NRG1: variants seen among roughly 807,000 people sequenced by gnomAD.
NRG1 encodes neuregulin 1, also known as pro-neuregulin-1, membrane-bound isoform.
NRG1 carries 18 observed loss-of-function variants against 63.8 expected under a neutral mutation model. That is an observed-to-expected ratio of 0.28 (90% CI 0.19 to 0.42). The LOEUF (loss-of-function observed/expected upper bound fraction) is 0.42. NRG1 is among the 10% of genes least tolerant of loss of function. The pLI, the probability that NRG1 is intolerant of heterozygous loss-of-function variation, is 1.00. For synonymous variants in NRG1, 302 were observed against 301.3 expected (o/e 1.00, Z -0.02); for missense variants, 762 against 814.7 (o/e 0.94, Z 0.79).
chr8:31,773,765 A>C (rs1818854576), intron 1 of NRG1, among the ~76,000 whole-genome samples: 1 of 147,530 alleles, frequency 6.8e-6, no homozygotes, highest in Admixed American at 6.9e-5. Context: ...TTTACATTCG[A>C]ATATCCTTCA....
At chr8:32,250,468 A>C (rs1848986682) in intron 1 of NRG1, among the ~76,000 whole-genome samples, 1 of 152,156 alleles carries the variant, frequency 6.6e-6, no homozygotes, top group Admixed American at 6.6e-5. Flanking sequence ...AACTGCAACA[A>C]TAGTTTAATG....
intron 1 of NRG1, among the ~76,000 whole-genome samples, chr8:31,752,804 T>G (rs923171239): frequency 4.6e-5 from 7 of 151,944 alleles, no homozygotes; most frequent in African/African-American, 1.5e-4. Flanking sequence ...AAATGGTAAT[T>G]TTTGTTTATA....
chr8:32,049,695 A>G (rs1222736212), intron 1 of NRG1, among the ~76,000 whole-genome samples: 1 of 152,160 alleles, frequency 6.6e-6, no homozygotes, highest in Non-Finnish European at 1.5e-5. Context: ...CATCAGAGGA[A>G]ACAAATTTAA....
At chr8:32,262,641 A>C (rs1850507961) in intron 1 of NRG1, among the ~76,000 whole-genome samples, 1 of 152,202 alleles carries the variant, frequency 6.6e-6, no homozygotes, top group Admixed American at 6.5e-5. Context: ...TACAAAGTTT[A>C]TTACCTTAAG....
chr8:31,806,128 T>G (rs1822261846), intron 1 of NRG1, among the ~76,000 whole-genome samples: 2 of 152,164 alleles, frequency 1.3e-5, no homozygotes, highest in Admixed American at 6.5e-5. Context: ...TTATATTCAT[T>G]AAATTGCCAA....
intron 1 of NRG1, among the ~76,000 whole-genome samples, chr8:31,651,099 A>G: frequency 6.6e-6 from 1 of 152,190 alleles, no homozygotes; most frequent in East Asian, 1.9e-4. Context: ...CATGTGGGAA[A>G]ACAACTGTGA....
chr8:32,444,875 A>T (rs1587693515), intron 1 of NRG1, among the ~76,000 whole-genome samples: 1 of 152,214 alleles, frequency 6.6e-6, no homozygotes, highest in Non-Finnish European at 1.5e-5. Flanking sequence ...ATGGGACTGA[A>T]TCAGTTCAAA....
At chr8:31,905,099 ATCTAT>A (rs1228857638) in intron 1 of NRG1, among the ~76,000 whole-genome samples, 2 of 152,102 alleles carry the variant, frequency 1.3e-5, no homozygotes, top group African/African-American at 4.8e-5. Context: ...GAAGAAGCTG[ATCTAT>A]GGAGAAGACC....
chr8:31,766,128 A>G (rs916091690), intron 1 of NRG1, among the ~76,000 whole-genome samples: 5 of 152,152 alleles, frequency 3.3e-5, no homozygotes, highest in African/African-American at 1.2e-4. Context: ...ACAAGTGTAC[A>G]TCTAGTTCCA....
intron 1 of NRG1, among the ~76,000 whole-genome samples, chr8:31,646,440 T>C (rs1022357682): frequency 3.3e-5 from 5 of 152,186 alleles, no homozygotes; most frequent in Non-Finnish European, 5.9e-5. Flanking sequence ...TGGGTATACC[T>C]AAGAGCCCAG....
At chr8:31,952,159 A>C (rs918684172) in intron 1 of NRG1, among the ~76,000 whole-genome samples, 11 of 152,320 alleles carry the variant, frequency 7.2e-5, no homozygotes, top group Non-Finnish European at 1.5e-4. Context: ...CTGGCTTGAA[A>C]TGATTTGGCA....
chr8:31,934,999 T>G (rs900038639), intron 1 of NRG1, among the ~76,000 whole-genome samples: 6 of 152,208 alleles, frequency 3.9e-5, no homozygotes, highest in African/African-American at 1.4e-4. Flanking sequence ...CCACCCAGGC[T>G]GGAGTGCAGT....
At chr8:31,791,245 A>T (rs1820680718) in intron 1 of NRG1, among the ~76,000 whole-genome samples, 1 of 151,570 alleles carries the variant, frequency 6.6e-6, no homozygotes, top group South Asian at 2.1e-4. Context: ...AGAGATAGTG[A>T]GATAGTAAAT....
At chr8:31,953,742 A>G (rs962665144) in intron 1 of NRG1, among the ~76,000 whole-genome samples, 2 of 152,168 alleles carry the variant, frequency 1.3e-5, no homozygotes, top group East Asian at 1.9e-4. Flanking sequence ...TCATTTCAAC[A>G]TATATTGAGC....
intron 1 of NRG1, among the ~76,000 whole-genome samples, chr8:31,655,440 G>T (rs1427720231): frequency 6.6e-6 from 1 of 152,204 alleles, no homozygotes; most frequent in Non-Finnish European, 1.5e-5. Flanking sequence ...TTCTGTTAGG[G>T]TAGGGAGGAG....
chr8:32,020,583 T>C (rs1326716295), intron 1 of NRG1, among the ~76,000 whole-genome samples: 1 of 152,200 alleles, frequency 6.6e-6, no homozygotes, highest in African/African-American at 2.4e-5. Flanking sequence ...GGTATCATGT[T>C]ATTAATTCTC....
At chr8:31,641,990 C>A (rs1452440102) in intron 1 of NRG1, among the ~76,000 whole-genome samples, 2 of 152,238 alleles carry the variant, frequency 1.3e-5, no homozygotes, top group Middle Eastern at 3.4e-3. Context: ...GATCATTGTT[C>A]ACCCACCATT....
intron 1 of NRG1, among the ~76,000 whole-genome samples, chr8:31,737,798 CAAG>C (rs1456208276): frequency 6.6e-6 from 1 of 152,066 alleles, no homozygotes; most frequent in Non-Finnish European, 1.5e-5. Context: ...TAAGATTTGA[CAAG>C]AAAGCGTTCC....
intron 1 of NRG1, among the ~76,000 whole-genome samples, chr8:32,083,121 C>G (rs1445603097): frequency 6.6e-6 from 1 of 152,138 alleles, no homozygotes; most frequent in East Asian, 1.9e-4. Flanking sequence ...ACCCAACGTA[C>G]TCACAAACAA....
Sources: allele counts gnomAD v4.1 joint callset (sites outside exome capture counted in the v4.1 genomes callset), GRCh38; gene constraint gnomAD v4.1.1; transcripts MANE v1.5; gene names NCBI Gene and HGNC (gene_info 2026-07-23, HGNC 2026-07-21).